The following GLS variants were observed in gnomAD, a reference collection of about 807,000 sequenced individuals.
The protein encoded by GLS is glutaminase.
GLS carries 36 observed loss-of-function variants against 86.7 expected under a neutral mutation model. The observed-to-expected ratio is 0.42, with a 90% CI of 0.32 to 0.55. The LOEUF (loss-of-function observed/expected upper bound fraction) is 0.55. Among genes scored for constraint, GLS ranks in the 20% least tolerant of loss-of-function variants. The pLI is 0.17. For missense variants in GLS, 528 were observed against 833.4 expected, an observed-to-expected ratio of 0.63 and a Z score of 4.51; for synonymous variants, 317 against 305.9, an observed-to-expected ratio of 1.04 and a Z score of -0.38.
At chr2:190,901,919 A>C (rs1020273342) in intron 4 of GLS, 28 bp from the exon 5 acceptor site, 1 of 1,331,306 alleles carries the variant, frequency 7.5e-7, no homozygotes, top group South Asian at 1.2e-5. Context: ...TATTATATCT[A>C]TTCATTTCTT....
At chr2:190,927,936 C>T (rs1689953043) in intron 12 of GLS, among the ~76,000 whole-genome samples, 1 of 152,090 alleles carries the variant, frequency 6.6e-6, no homozygotes, top group African/African-American at 2.4e-5. Flanking sequence ...GCATTTGCCA[C>T]TTGTAAAGTA....
At chr2:190,931,842 C>T (rs1373409799) in intron 14 of GLS, among the ~76,000 whole-genome samples, 1 of 151,842 alleles carries the variant, frequency 6.6e-6, no homozygotes, top group Non-Finnish European at 1.5e-5. Context: ...TTAATAGATA[C>T]AGATATTTAA....
intron 1 of GLS, among the ~76,000 whole-genome samples, chr2:190,894,913 C>T (rs945987930): frequency 6.6e-6 from 1 of 151,488 alleles, no homozygotes; most frequent in Non-Finnish European, 1.5e-5. Flanking sequence ...AGTTGATGAT[C>T]AGGGTTTCAA....
chr2:190,880,915 G>GCAGCAGCAGCAGCAGCAC lies in GLS; in HGVS notation c.-165_-164insGCAGCAGCAGCACCAGCA, dbSNP rs1398192717. The GCAGCAGCAGCAGCAGCAC allele has an allele frequency of 3.3e-5, 30 of 916,932 alleles. 3 individuals carry two copies. The highest frequency in any genetic ancestry group is 4.6e-5 in the Non-Finnish European group (28 of 607,616). 56.8% of individuals were successfully genotyped at this position (916,932 alleles called of 1,614,324 possible). A position where few individuals can be genotyped will look rare whatever the true frequency, so the allele number is the denominator to read the frequency against. ...AGCAGCAGCAGCAGCAGCAGCAGCA[G>GCAGCAGCAGCAGCAGCAC]CAGCACCCGCATCCGCTGCGGGAGT... On this transcript the variant is annotated 5_prime_UTR_variant, in exon 1 of 18. Transcript: ENST00000320717.
Position 190,913,085 on chromosome 2 carries a change from AT to A in GLS, c.1038+2766del. ...AAATTCAGGAATTTATCATGGTGCCATTAAAATCATTTTCTTCATGTTAATC... is the reference window on the plus strand; with the variant it reads ...AAATTCAGGAATTTATCATGGTGCCATAAAATCATTTTCTTCATGTTAATC... On this transcript the variant is annotated intron_variant, in intron 7 of 17. Transcript: ENST00000320717. The surrounding 1 kb of genome is among the most constrained non-coding windows in gnomAD (Gnocchi z 6.1). 1.1e-6 allele frequency: 1 copy of A among 949,734 alleles called. No homozygotes were observed. Among genetic ancestry groups the A allele is most frequent in the Non-Finnish European group, 1.5e-6 (1 of 672,064 alleles). The allele number at this position is 949,734 out of a possible 1,614,324, so 58.8% of individuals were successfully genotyped here. A position where few individuals can be genotyped will look rare whatever the true frequency, so the allele number is the denominator to read the frequency against.
At chr2:190,957,097 C>CTTTG (rs1358134218) in intron 17 of GLS, among the ~76,000 whole-genome samples, 2 of 151,980 alleles carry the variant, frequency 1.3e-5, no homozygotes, top group East Asian at 3.9e-4. Flanking sequence ...ACCTTTCTTT[C>CTTTG]TTTCTTTTCT....
chr2:190,882,610 C>T (rs992161764), intron 1 of GLS, among the ~76,000 whole-genome samples: 2 of 152,244 alleles, frequency 1.3e-5, no homozygotes, highest in African/African-American at 4.8e-5. Context: ...AATCTCACGC[C>T]TGCTTGATGT....
rs776609916 is a variant in GLS at position 190,905,430 on chromosome 2, A to T, written c.979+263A>T. ...ATATAGCGAAATCTCAAAATACATG[A>T]GATTTGCTTTAAAATAATTTAGTTA... On this transcript the variant is annotated intron_variant, in intron 6 of 17. Coordinates refer to ENST00000320717, the MANE Select transcript of GLS (RefSeq NM_014905.5). This position sits in a 1 kb window ranked among gnomAD's most constrained non-coding sequence, Gnocchi z 4.6. 2.2e-4 allele frequency among the ~76,000 whole-genome samples: 33 copies of T among 152,204 alleles called. No individual in the cohort carries two copies. The highest frequency in any genetic ancestry group is 4.6e-4 in the Non-Finnish European group (31 of 67,922).
chr2:190,899,418 G>A (rs1477152488), intron 3 of GLS, among the ~76,000 whole-genome samples: 1 of 151,990 alleles, frequency 6.6e-6, no homozygotes, highest in South Asian at 2.1e-4. Context: ...TTGAACAAAT[G>A]AGTATATATT....
rs978694920 is a variant in GLS, at chr2:190,930,897, G to T, written c.1557+329G>T. ...GCCAGTATATCTTAAGAATTATTTT[G>T]GTTTATTATATCTTTAATCTGCATG... On this transcript the variant is annotated intron_variant, in intron 13 of 17. Transcript: ENST00000320717. This position sits in a 1 kb window ranked among gnomAD's most constrained non-coding sequence, Gnocchi z 5.0. 6.6e-6 allele frequency among the ~76,000 whole-genome samples: 1 copy of T among 151,874 alleles called. No homozygotes were observed. The highest frequency in any genetic ancestry group is 2.4e-5 in the African/African-American group (1 of 41,334).
At chr2:190,903,205 A>G (rs972658478) in intron 5 of GLS, among the ~76,000 whole-genome samples, 1 of 152,090 alleles carries the variant, frequency 6.6e-6, no homozygotes, top group African/African-American at 2.4e-5. Flanking sequence ...ATTTTAGGTG[A>G]TTTTAATTTT....
At chr2:190,933,964 G>T (rs1690190928) in intron 14 of GLS, 1 of 926,664 alleles carries the variant, frequency 1.1e-6, no homozygotes. Context: ...GTTTTTAAGA[G>T]AACTATAGAT....
intron 6 of GLS, among the ~76,000 whole-genome samples, chr2:190,908,633 T>C (rs573458890): frequency 9.2e-5 from 14 of 152,338 alleles, no homozygotes; most frequent in Admixed American, 7.8e-4. Context: ...ACCCATCAAC[T>C]CCATCTTACC....
At chr2:190,944,876 T>C (rs1690540761) in intron 14 of GLS, among the ~76,000 whole-genome samples, 1 of 152,256 alleles carries the variant, frequency 6.6e-6, no homozygotes, top group South Asian at 2.1e-4. Flanking sequence ...AATTATTTCT[T>C]TTGTTCTTTT....
chr2:190,960,625 C>T (rs796414417), intron 17 of GLS, among the ~76,000 whole-genome samples: 1 of 152,076 alleles, frequency 6.6e-6, no homozygotes, highest in South Asian at 2.1e-4. Context: ...GTCCTCCCAT[C>T]TCAGCCTCCC....
chr2:190,918,811 G>T (rs559549902), intron 7 of GLS, among the ~76,000 whole-genome samples: 9 of 152,030 alleles, frequency 5.9e-5, no homozygotes, highest in Non-Finnish European at 1.0e-4. Flanking sequence ...TTATTAATTG[G>T]CCTGTTTTCA....
rs545921059 is a variant in GLS, at chr2:190,885,351, G to C, written c.386+3881G>C. ...GGATTACAGGCACCCGCCACCATGC[G>C]TGGCTAATTTTTGTTTTTAGTAGAG... is the stretch of plus-strand genomic sequence containing the variant. On this transcript the variant is annotated intron_variant, in intron 1 of 17. Coordinates refer to ENST00000320717, the MANE Select transcript of GLS (RefSeq NM_014905.5). Among the ~76,000 whole-genome samples the C allele has an allele frequency of 1.1e-3, 162 of 152,008 alleles. 1 individual carries two copies. Among genetic ancestry groups the C allele is most frequent in the Non-Finnish European group, 2.0e-3 (138 of 67,946 alleles).
At position 190,895,038 on chromosome 2, in the gene GLS, A is replaced by AGT; in HGVS notation, c.387-113_387-112dup. 1.8e-6 allele frequency: 1 copy of AGT among 544,084 alleles called. No individual in the cohort carries two copies. The highest frequency in any genetic ancestry group is 2.7e-5 in the East Asian group (1 of 36,662). 33.7% of individuals were successfully genotyped at this position (544,084 alleles called of 1,614,324 possible). A position where few individuals can be genotyped will look rare whatever the true frequency, so the allele number is the denominator to read the frequency against. On this transcript the variant is annotated intron_variant, in intron 1 of 17. Transcript: ENST00000320717. This position sits in a 1 kb window ranked among gnomAD's most constrained non-coding sequence, Gnocchi z 4.2. ...AACATTTATTATGACTGTAGTCTTG[A>AGT]GTATATGAGCTCAGCTGTAGTCTAG...
chr2:190,953,519 G>C lies in GLS; in HGVS notation c.1651-46G>C. ...TGCCAGTGACAGGTGGACGTTGTAT[G>C]TGTTTTCTCTCTCCTAAGGATGCCT... On this transcript the variant is annotated intron_variant, in intron 14 of 17. Coordinates refer to ENST00000320717, the MANE Select transcript of GLS (RefSeq NM_014905.5). The surrounding 1 kb of genome is among the most constrained non-coding windows in gnomAD (Gnocchi z 4.0). 1 of 995,364 alleles carries C rather than the reference G, an allele frequency of 1.0e-6. No individual in the cohort carries two copies. Among genetic ancestry groups the C allele is most frequent in the Non-Finnish European group, 1.6e-6 (1 of 644,078 alleles). The allele number at this position is 995,364 out of a possible 1,614,324, so 61.7% of individuals were successfully genotyped here. A position where few individuals can be genotyped will look rare whatever the true frequency, so the allele number is the denominator to read the frequency against.
Sources: allele counts gnomAD v4.1 joint callset (sites outside exome capture counted in the v4.1 genomes callset), GRCh38; gene constraint gnomAD v4.1.1; non-coding constraint Gnocchi (gnomAD v3.1); transcripts MANE v1.5; gene names NCBI Gene and HGNC (gene_info 2026-07-23, HGNC 2026-07-21).